RYR3: variants seen among roughly 807,000 people sequenced by gnomAD.
RYR3 encodes brain ryanodine receptor-calcium release channel.
RYR3 carries 207 observed loss-of-function variants against 584.3 expected under a neutral mutation model. The observed-to-expected ratio is 0.35, with a 90% CI of 0.32 to 0.40. The LOEUF is 0.40. Among genes scored for constraint, RYR3 ranks in the 10% least tolerant of loss-of-function variants. The pLI, the probability that RYR3 is intolerant of heterozygous loss-of-function variation, is 1.00. For missense variants in RYR3, 5,616 were observed against 6,089.2 expected, an observed-to-expected ratio of 0.92 and a Z score of 2.59; for synonymous variants, 2,416 against 2,248.5, an observed-to-expected ratio of 1.07 and a Z score of -2.11.
At chr15:33,579,057 C>T (rs190710083) in intron 12 of RYR3, among the ~76,000 whole-genome samples, 5 of 151,846 alleles carry the variant, frequency 3.3e-5, no homozygotes, top group South Asian at 4.2e-4. Context: ...GAGAAACTTG[C>T]GGAATAGGAG....
Position 33,819,769 on chromosome 15 carries a change from G to A in RYR3, c.10720G>A (p.Asp3574Asn), listed in dbSNP as rs370636001. The A allele has an allele frequency of 2.7e-5, 42 of 1,538,116 alleles. No individual in the cohort carries two copies. The highest frequency in any genetic ancestry group is 4.1e-5 in the African/African-American group (3 of 73,268). ...ALTERSKLED[D>N]PLYTSYSSMM... is the part of the protein sequence containing the mutation. ...CATTCTTTCCAGCAAATTGGAAGAC[G>A]ACCCTTTGTACACCTCCTATTCCAG... The change falls in exon 77 of 104, where the codon GAC becomes AAC. Residue 3574 changes from aspartate to asparagine, a missense_variant. Physicochemically the swap from Asp to Asn is conservative, Grantham distance 23. Coordinates refer to ENST00000634891, the MANE Select transcript of RYR3 (RefSeq NM_001036.6).
chr15:33,440,915 A>G (rs2046170718), intron 1 of RYR3, among the ~76,000 whole-genome samples: 1 of 152,212 alleles, frequency 6.6e-6, no homozygotes, highest in South Asian at 2.1e-4. Flanking sequence ...CAGTGAGAGT[A>G]TTTGTGCTAA....
chr15:33,838,967 C>G lies in RYR3; in HGVS notation c.12978+9C>G, dbSNP rs760807515. The G allele has an allele frequency of 6.3e-6, 10 of 1,595,624 alleles. No individual in the cohort carries two copies. The highest frequency in any genetic ancestry group is 8.5e-6 in the Non-Finnish European group (10 of 1,172,220). The stretch of plus-strand genomic sequence containing the variant: ...AGAAGAGGAAAGCTCAGGTAAGTGT[C>G]ATTTGTTTCTTTCATCTTCCTTTAT... On this transcript the variant is annotated intron_variant, in intron 89 of 103. Transcript: ENST00000634891.
intron 67 of RYR3, among the ~76,000 whole-genome samples, chr15:33,793,949 T>A (rs2075328270): frequency 7.0e-6 from 1 of 142,946 alleles, no homozygotes; most frequent in Non-Finnish European, 1.5e-5. Context: ...TATAAATATA[T>A]ATTTATTTAT....
At chr15:33,379,780 GA>G (rs2041050899) in intron 1 of RYR3, among the ~76,000 whole-genome samples, 1 of 151,520 alleles carries the variant, frequency 6.6e-6, no homozygotes, top group South Asian at 2.1e-4. Context: ...GCAAAATGGG[GA>G]AGAGAGAAGC....
intron 19 of RYR3, among the ~76,000 whole-genome samples, chr15:33,615,500 T>C (rs894733702): frequency 1.3e-5 from 2 of 152,238 alleles, no homozygotes; most frequent in African/African-American, 2.4e-5. Context: ...CAAGCATATT[T>C]ACAAACATAT....
In RYR3 at chr15:33,843,530, C is replaced by G; in HGVS notation, c.13252C>G (p.Leu4418Val). 1 of 1,603,822 alleles carries G rather than the reference C, an allele frequency of 6.2e-7. No homozygotes were observed. Among genetic ancestry groups the G allele is most frequent in the Non-Finnish European group, 8.5e-7 (1 of 1,174,802 alleles). ...TTTCTACAACCTGAGGTTCCTTGCT[C>G]TGTTTGTAGCCTTCGCTATCAACTT... Reference protein sequence around the residue: ...RNFYNLRFLALFVAFAINFIL... With the variant: ...RNFYNLRFLAVFVAFAINFIL... Residue 4418 changes from leucine to valine, a missense_variant, in exon 92 of 104, where the codon CTG becomes GTG. Leu to Val is a conservative substitution (Grantham distance 32). This residue lies in a region of RYR3 where 918 missense variants were observed against 887.4 expected (regional missense o/e 1.03). Transcript: ENST00000634891.
chr15:33,682,236 C>T (rs1206773760), intron 38 of RYR3, among the ~76,000 whole-genome samples: 5 of 152,172 alleles, frequency 3.3e-5, no homozygotes, highest in Non-Finnish European at 7.4e-5. Context: ...AACAACTTAA[C>T]AATGAGTGAC....
chr15:33,619,136 A>G (rs2060595444), intron 19 of RYR3, among the ~76,000 whole-genome samples: 1 of 151,896 alleles, frequency 6.6e-6, no homozygotes, highest in Admixed American at 6.5e-5. Context: ...TAAACACTTT[A>G]GGAAGGAAAA....
chr15:33,749,885 C>A (rs1251148534), intron 55 of RYR3, 94 bp from the exon 56 acceptor site: 2 of 1,052,928 alleles, frequency 1.9e-6, no homozygotes, highest in Non-Finnish European at 2.9e-6. Context: ...CAGTGGTGTG[C>A]TTTTCCCGAG....
At chr15:33,760,550 C>A (rs1372273064) in intron 60 of RYR3, among the ~76,000 whole-genome samples, 2 of 152,148 alleles carry the variant, frequency 1.3e-5, no homozygotes, top group Non-Finnish European at 2.9e-5. Flanking sequence ...ACAAGAAGAG[C>A]TAACTATCCT....
intron 3 of RYR3, among the ~76,000 whole-genome samples, chr15:33,524,306 G>C (rs1595439591): frequency 1.3e-5 from 2 of 152,074 alleles, no homozygotes; most frequent in South Asian, 4.1e-4. Flanking sequence ...TTTTCCCACG[G>C]TGGCATATCA....
At chr15:33,475,056 TTTTGC>T (rs914400455) in intron 2 of RYR3, among the ~76,000 whole-genome samples, 4 of 152,184 alleles carry the variant, frequency 2.6e-5, no homozygotes, top group Admixed American at 6.5e-5. Context: ...TGTTTTTTTG[TTTTGC>T]TTTGTTTTGT....
At chr15:33,335,084 T>C (rs760001580) in intron 1 of RYR3, among the ~76,000 whole-genome samples, 2 of 152,070 alleles carry the variant, frequency 1.3e-5, no homozygotes, top group African/African-American at 2.4e-5. Flanking sequence ...CTGTTGGGAG[T>C]GTAAATTAGT....
chr15:33,618,076 T>A (rs1309011031), intron 19 of RYR3, among the ~76,000 whole-genome samples: 1 of 152,084 alleles, frequency 6.6e-6, no homozygotes, highest in Non-Finnish European at 1.5e-5. Flanking sequence ...TAAAAGTTGA[T>A]CTTATATACA....
intron 10 of RYR3, among the ~76,000 whole-genome samples, chr15:33,555,432 C>A (rs764081804): frequency 6.6e-6 from 1 of 152,202 alleles, no homozygotes; most frequent in Non-Finnish European, 1.5e-5. Flanking sequence ...ACTGCAGCTT[C>A]ATTTTAAATA....
chr15:33,676,982 C>T lies in RYR3; in HGVS notation c.5860+6426C>T, dbSNP rs181209334. Among the ~76,000 whole-genome samples the T allele has an allele frequency of 2.8e-3, 431 of 152,246 alleles. 3 individuals carry two copies. The highest frequency in any genetic ancestry group is 9.7e-3 in the African/African-American group (405 of 41,546). ...CTTAATTGAGTACCTCCTTTGTGCC[C>T]GGTACTGCGCTTGGCACTTCACCTT... On this transcript the variant is annotated intron_variant, in intron 38 of 103. Transcript: ENST00000634891.
At chr15:33,504,819 G>T (rs1036615343) in intron 3 of RYR3, among the ~76,000 whole-genome samples, 1 of 152,042 alleles carries the variant, frequency 6.6e-6, no homozygotes, top group Non-Finnish European at 1.5e-5. Flanking sequence ...CTCTGATCCT[G>T]CATATCACCT....
chr15:33,652,584 A>C, intron 31 of RYR3, 134 bp from the exon 32 acceptor site: 1 of 886,720 alleles, frequency 1.1e-6, no homozygotes, highest in Non-Finnish European at 1.7e-6. Flanking sequence ...TAAGGAAAAA[A>C]AAGTATTTGG....
Sources: gnomAD v4.1 joint callset for allele counts (sites outside exome capture counted in the v4.1 genomes callset) on GRCh38, gnomAD v4.1.1 for gene constraint, gnomAD v4.1.1 regional missense constraint, MANE v1.5 for transcripts, NCBI Gene and HGNC (gene_info 2026-07-23, HGNC 2026-07-21) for gene names.